ZNF423: variants seen among roughly 807,000 people sequenced by gnomAD.
ZNF423 encodes the protein zinc finger protein 423.
ZNF423 carries 12 observed loss-of-function variants against 95.8 expected under a neutral mutation model. That is an observed-to-expected ratio of 0.13 (90% confidence interval 0.08 to 0.20). ZNF423 has a LOEUF of 0.20. Among genes scored for constraint, ZNF423 ranks in the 10% least tolerant of loss-of-function variants. The pLI is 1.00. For synonymous variants in ZNF423, 749 were observed against 711.9 expected, an observed-to-expected ratio of 1.05 and a Z score of -0.83; for missense variants, 1,316 against 1,737.1, an observed-to-expected ratio of 0.76 and a Z score of 4.31.
chr16:49,566,575 A>C (rs1352863297), intron 5 of ZNF423, among the ~76,000 whole-genome samples: 1 of 152,206 alleles, frequency 6.6e-6, no homozygotes, highest in East Asian at 1.9e-4. Flanking sequence ...CCAACTAAAA[A>C]ATCCAGTCTT....
At chr16:49,522,026 G>C (rs113792425) in intron 7 of ZNF423, among the ~76,000 whole-genome samples, 9 of 152,252 alleles carry the variant, frequency 5.9e-5, no homozygotes, top group African/African-American at 1.9e-4. Context: ...ACCCCAGAGG[G>C]GGAGGCACCA....
chr16:49,831,896 G>C (rs1352012892), intron 1 of ZNF423, among the ~76,000 whole-genome samples: 4 of 151,890 alleles, frequency 2.6e-5, no homozygotes, highest in Non-Finnish European at 5.9e-5. Context: ...AGCTACTGGG[G>C]AGGCGGAGGC....
intron 1 of ZNF423, among the ~76,000 whole-genome samples, chr16:49,790,824 G>A (rs1411778870): frequency 2.0e-5 from 3 of 152,220 alleles, no homozygotes; most frequent in South Asian, 4.1e-4. Context: ...AAGCCATAGG[G>A]CTGCTGGGAG....
chr16:49,509,593 A>G (rs895546906), intron 7 of ZNF423, among the ~76,000 whole-genome samples: 3 of 151,936 alleles, frequency 2.0e-5, no homozygotes, highest in Non-Finnish European at 2.9e-5. Flanking sequence ...TTCCTGCTTG[A>G]CCAAAGAGTA....
chr16:49,822,648 G>A, intron 1 of ZNF423: 4 of 1,601,572 alleles, frequency 2.5e-6, no homozygotes, highest in Non-Finnish European at 3.4e-6. Flanking sequence ...CCACCCCTCA[G>A]CCCAAGGCCT....
intron 5 of ZNF423, among the ~76,000 whole-genome samples, chr16:49,557,310 AG>A (rs1310502290): frequency 2.0e-5 from 3 of 152,030 alleles, no homozygotes; most frequent in Non-Finnish European, 4.4e-5. Flanking sequence ...AGGAGGAGGG[AG>A]GGGGGCAGAC....
intron 2 of ZNF423, among the ~76,000 whole-genome samples, chr16:49,731,873 G>A (rs1051317366): frequency 4.6e-5 from 7 of 152,138 alleles, no homozygotes; most frequent in Non-Finnish European, 8.8e-5. Flanking sequence ...AGAATCAGTC[G>A]TGGAATGATC....
chr16:49,806,653 T>C (rs560700089), intron 1 of ZNF423, among the ~76,000 whole-genome samples: 1 of 152,184 alleles, frequency 6.6e-6, no homozygotes, highest in South Asian at 2.1e-4. Flanking sequence ...TCCATCTGGT[T>C]CTGAACACAC....
intron 2 of ZNF423, among the ~76,000 whole-genome samples, chr16:49,781,241 A>C (rs1017636994): frequency 3.9e-5 from 6 of 152,234 alleles, no homozygotes; most frequent in African/African-American, 1.2e-4. Context: ...AAGACCACCC[A>C]CACGAAGATG....
intron 5 of ZNF423, among the ~76,000 whole-genome samples, chr16:49,613,515 G>T (rs547873074): frequency 6.6e-6 from 1 of 152,320 alleles, no homozygotes; most frequent in South Asian, 2.1e-4. Context: ...AACATAGTGA[G>T]ATCCTTCTCC....
chr16:49,496,503 C>G (rs966180464), intron 7 of ZNF423, among the ~76,000 whole-genome samples: 5 of 152,180 alleles, frequency 3.3e-5, no homozygotes, highest in Non-Finnish European at 5.9e-5. Context: ...CCCTTGCCTT[C>G]CATCATCATT....
chr16:49,739,983 C>T (rs772008728), intron 2 of ZNF423, among the ~76,000 whole-genome samples: 6 of 151,904 alleles, frequency 3.9e-5, no homozygotes, highest in African/African-American at 9.7e-5. Context: ...CTCAGCCTCC[C>T]GAGTAGCTGG....
intron 2 of ZNF423, among the ~76,000 whole-genome samples, chr16:49,785,185 T>A (rs2034291290): frequency 1.3e-5 from 2 of 152,170 alleles, no homozygotes; most frequent in South Asian, 4.1e-4. Context: ...CAAGTGATCC[T>A]CTTGCCTCAG....
At chr16:49,734,998 T>C (rs2033252201) in intron 2 of ZNF423, among the ~76,000 whole-genome samples, 1 of 152,148 alleles carries the variant, frequency 6.6e-6, no homozygotes, top group Non-Finnish European at 1.5e-5. Flanking sequence ...GCCCACTGCA[T>C]GTGACTCTTA....
intron 1 of ZNF423, among the ~76,000 whole-genome samples, chr16:49,808,313 T>G (rs1265838556): frequency 2.6e-5 from 4 of 152,284 alleles, no homozygotes; most frequent in Non-Finnish European, 4.4e-5. Context: ...TCTCCTGCCT[T>G]GGCCCCTGGA....
chr16:49,539,145 T>C (rs28642670), intron 5 of ZNF423, among the ~76,000 whole-genome samples: 6,737 of 151,790 alleles, frequency 0.044, 528 homozygotes, highest in African/African-American at 0.16. Context: ...ATGGATAGAG[T>C]CCTGCCTCAA....
chr16:49,785,334 AC>A (rs1204821257), intron 2 of ZNF423, among the ~76,000 whole-genome samples: 1 of 152,076 alleles, frequency 6.6e-6, no homozygotes, highest in Admixed American at 6.5e-5. Context: ...TCCTGCCTTG[AC>A]CTCACAAAGT....
intron 3 of ZNF423, among the ~76,000 whole-genome samples, chr16:49,639,095 C>T (rs901714835): frequency 1.3e-5 from 2 of 152,192 alleles, no homozygotes; most frequent in African/African-American, 4.8e-5. Flanking sequence ...AGGGGGAGCG[C>T]CTTTTCCCTT....
chr16:49,679,088 G>A (rs534032772), intron 3 of ZNF423, among the ~76,000 whole-genome samples: 2 of 152,210 alleles, frequency 1.3e-5, no homozygotes, highest in Non-Finnish European at 2.9e-5. Flanking sequence ...GACTACAGGT[G>A]TGTGCCACCA....
Sources: allele counts gnomAD v4.1 joint callset (sites outside exome capture counted in the v4.1 genomes callset), GRCh38; gene constraint gnomAD v4.1.1; transcripts MANE v1.5; gene names NCBI Gene and HGNC (gene_info 2026-07-23, HGNC 2026-07-21).